The following SIPA1L3 variants were observed in gnomAD, a reference collection of about 807,000 sequenced individuals.
The protein encoded by SIPA1L3 is signal induced proliferation associated 1 like 3.
Under a neutral mutation model 150.1 loss-of-function variants are expected in SIPA1L3, and 59 were observed. The observed-to-expected ratio is 0.39, with a 90% confidence interval of 0.32 to 0.49. SIPA1L3 has a LOEUF of 0.49. Ranked by LOEUF, SIPA1L3 falls within the 20% of genes least tolerant of loss-of-function variation. The pLI is 0.86. For missense variants in SIPA1L3, 2,211 were observed against 2,489.5 expected, an observed-to-expected ratio of 0.89 and a Z score of 2.38; for synonymous variants, 1,070 against 1,077.6, an observed-to-expected ratio of 0.99 and a Z score of 0.14.
intron 15 of SIPA1L3, among the ~76,000 whole-genome samples, chr19:38,179,610 C>T: frequency 6.6e-6 from 1 of 152,078 alleles, no homozygotes; most frequent in South Asian, 2.1e-4. Flanking sequence ...TTTCCTTCTC[C>T]CTTTTTTGTG....
At chr19:38,090,422 T>C (rs1028318807) in intron 4 of SIPA1L3, among the ~76,000 whole-genome samples, 2 of 151,422 alleles carry the variant, frequency 1.3e-5, no homozygotes, top group African/African-American at 4.9e-5. Context: ...AGCCAGTCGC[T>C]GTGATCAGGG....
intron 6 of SIPA1L3, among the ~76,000 whole-genome samples, chr19:38,105,107 C>T (rs1039163394): frequency 2.0e-5 from 3 of 151,870 alleles, no homozygotes; most frequent in Non-Finnish European, 4.4e-5. Flanking sequence ...CCTGTAATCC[C>T]AGCACTTTGG....
intron 1 of SIPA1L3, among the ~76,000 whole-genome samples, chr19:38,017,394 A>G (rs1968261612): frequency 6.6e-6 from 1 of 152,176 alleles, no homozygotes; most frequent in African/African-American, 2.4e-5. Context: ...CTTTTCTACC[A>G]CACACCCATG....
chr19:38,067,857 C>G (rs1969631232), intron 2 of SIPA1L3, among the ~76,000 whole-genome samples: 1 of 152,064 alleles, frequency 6.6e-6, no homozygotes, highest in African/African-American at 2.4e-5. Context: ...TGAGACTCCA[C>G]TCGTTGCTCT....
At chr19:38,156,789 A>T (rs1053751603) in intron 13 of SIPA1L3, among the ~76,000 whole-genome samples, 2 of 152,038 alleles carry the variant, frequency 1.3e-5, no homozygotes, top group Admixed American at 1.3e-4. Flanking sequence ...CACGCATTGC[A>T]CTCCTGCCTC....
Position 38,085,951 on chromosome 19 carries a change from G to A in SIPA1L3, c.1535-2770G>A, listed in dbSNP as rs1388714561. On this transcript the variant is annotated intron_variant, in intron 3 of 21. Coordinates refer to ENST00000222345, the MANE Select transcript of SIPA1L3 (RefSeq NM_015073.3). The stretch of plus-strand genomic sequence containing the variant: ...GCAGAGGTTGCAGTGAGCCGAGATC[G>A]CACCATCACAATCCAGCCTGGGCGA... Among the ~76,000 whole-genome samples the A allele has an allele frequency of 2.6e-5, 4 of 152,094 alleles. No individual in the cohort carries two copies. In the South Asian group the frequency reaches 6.2e-4, roughly 24 times the overall value.
chr19:38,206,422 C>G lies in SIPA1L3; in HGVS notation c.*182C>G, dbSNP rs745534063. The G allele has an allele frequency of 5.9e-6, 4 of 675,604 alleles. No individual in the cohort carries two copies. The highest frequency in any genetic ancestry group is 9.4e-6 in the Non-Finnish European group (4 of 423,638). The allele number at this position is 675,604 out of a possible 1,614,324, so 41.9% of individuals were successfully genotyped here. A position where few individuals can be genotyped will look rare whatever the true frequency, so the allele number is the denominator to read the frequency against. On this transcript the variant is annotated 3_prime_UTR_variant, in exon 22 of 22. Transcript: ENST00000222345. ...TGAGTCAGGGTCAGCGCGCACAGCCCTCATGCCCCAGAGGGCGAAGTGGTC... is the reference window on the plus strand; with the variant it reads ...TGAGTCAGGGTCAGCGCGCACAGCCGTCATGCCCCAGAGGGCGAAGTGGTC...
At position 38,111,769 on chromosome 19, in the gene SIPA1L3, A is replaced by G. The variant is rs907952092; in HGVS notation, c.2291+1385A>G. Among the ~76,000 whole-genome samples, 11 of 152,360 alleles carry G rather than the reference A, an allele frequency of 7.2e-5. No homozygotes were observed. In the South Asian group the frequency reaches 8.3e-4, roughly 11 times the overall value. On this transcript the variant is annotated intron_variant, in intron 8 of 21. Transcript: ENST00000222345. Reference sequence around the variant, plus strand: ...CCTGAGGCCACCTCTCCCCCTGCCCATCGGTTCCTGGAACATGCAGCAGCA... The same window carrying G: ...CCTGAGGCCACCTCTCCCCCTGCCCGTCGGTTCCTGGAACATGCAGCAGCA...
chr19:38,006,886 AG>A (rs1356977684), intron 1 of SIPA1L3, among the ~76,000 whole-genome samples: 2 of 152,206 alleles, frequency 1.3e-5, no homozygotes, highest in African/African-American at 2.4e-5. Context: ...AGAGCAGAAA[AG>A]GGGAAATGGC....
At chr19:38,127,144 A>T (rs1054536242) in intron 9 of SIPA1L3, among the ~76,000 whole-genome samples, 2 of 152,092 alleles carry the variant, frequency 1.3e-5, no homozygotes, top group Non-Finnish European at 1.5e-5. Flanking sequence ...ATGAGCCAAG[A>T]TTGTGCCATT....
chr19:38,019,140 C>T (rs181927182), intron 1 of SIPA1L3, among the ~76,000 whole-genome samples: 1 of 152,302 alleles, frequency 6.6e-6, no homozygotes, highest in East Asian at 1.9e-4. Flanking sequence ...ATTTGAAAAG[C>T]CCATTTGGCT....
intron 4 of SIPA1L3, among the ~76,000 whole-genome samples, 154 bp downstream of exon 4, chr19:38,089,005 G>A (rs1438209352): frequency 1.3e-5 from 2 of 152,090 alleles, no homozygotes; most frequent in African/African-American, 2.4e-5. Flanking sequence ...TCTCACAGAG[G>A]AAGAAACTAA....
At chr19:38,122,325 A>T (rs1004313706) in intron 9 of SIPA1L3, among the ~76,000 whole-genome samples, 1 of 152,214 alleles carries the variant, frequency 6.6e-6, no homozygotes, top group Non-Finnish European at 1.5e-5. Context: ...TTTTAGGGAA[A>T]AAAAGGTCGA....
chr19:38,020,190 A>T (rs896535036), intron 1 of SIPA1L3, among the ~76,000 whole-genome samples: 2 of 152,070 alleles, frequency 1.3e-5, no homozygotes, highest in African/African-American at 4.8e-5. Context: ...TTGTGGAGTA[A>T]TTTTTTTACT....
At position 38,106,108 on chromosome 19, in the gene SIPA1L3, ATT is replaced by A. The variant is rs56305500; in HGVS notation, c.2030-414_2030-413del. Among the ~76,000 whole-genome samples, 1,033 of 133,966 alleles carry A rather than the reference ATT, an allele frequency of 7.7e-3. 27 individuals are homozygous for A. The highest frequency in any genetic ancestry group is 0.05 in the Admixed American group (668 of 13,366). The allele number at this position is 133,966 out of a possible 152,430, so 87.9% of individuals were successfully genotyped here. Reference sequence around the variant, plus strand: ...TTTCCTTTTTATCTAAATGTATTTAATTTTTTTTTTTTTTTTGAGACAGAGTC... The same window carrying A: ...TTTCCTTTTTATCTAAATGTATTTAATTTTTTTTTTTTTTGAGACAGAGTC... On this transcript the variant is annotated intron_variant, in intron 6 of 21. Coordinates refer to ENST00000222345, the MANE Select transcript of SIPA1L3 (RefSeq NM_015073.3).
At chr19:37,991,947 A>G (rs1967519328) in intron 1 of SIPA1L3, among the ~76,000 whole-genome samples, 1 of 152,148 alleles carries the variant, frequency 6.6e-6, no homozygotes, top group South Asian at 2.1e-4. Context: ...CTCCTTCCTC[A>G]GGCTCTTCAT....
intron 1 of SIPA1L3, among the ~76,000 whole-genome samples, chr19:37,990,583 C>T (rs1158192924): frequency 2.6e-5 from 4 of 152,224 alleles, no homozygotes; most frequent in Non-Finnish European, 4.4e-5. Flanking sequence ...AGCTCTTGCT[C>T]AGCTAGTCAG....
At chr19:38,034,276 C>T (rs1245889592) in intron 2 of SIPA1L3, among the ~76,000 whole-genome samples, 1 of 152,194 alleles carries the variant, frequency 6.6e-6, no homozygotes, top group East Asian at 1.9e-4. Context: ...TAATAATGAA[C>T]ATTAATGGGT....
intron 2 of SIPA1L3, among the ~76,000 whole-genome samples, chr19:38,052,750 G>A (rs994309438): frequency 1.3e-5 from 2 of 152,318 alleles, no homozygotes; most frequent in African/African-American, 4.8e-5. Flanking sequence ...TTTGGGCATT[G>A]CATGCCACCA....
Sources: gnomAD v4.1 joint callset for allele counts (sites outside exome capture counted in the v4.1 genomes callset) on GRCh38, gnomAD v4.1.1 for gene constraint, MANE v1.5 for transcripts, NCBI Gene and HGNC (gene_info 2026-07-23, HGNC 2026-07-21) for gene names.